The following FANK1 variants were observed in gnomAD, a reference collection of about 807,000 sequenced individuals.
FANK1 encodes the protein fibronectin type 3 and ankyrin repeat domains protein 1.
In FANK1, 44 loss-of-function variants were observed where a neutral mutation model predicts 45.3. That is an observed-to-expected ratio of 0.97 (90% CI 0.76 to 1.25). FANK1 has a LOEUF of 1.25. Ranked by LOEUF, FANK1 falls within the 50% of genes most tolerant of loss-of-function variation. The pLI is 0.00. For synonymous variants in FANK1, 149 were observed against 152.5 expected (o/e 0.98, Z 0.17); for missense variants, 391 against 424.4 (o/e 0.92, Z 0.69).
At chr10:125,996,446 T>C in intron 4 of FANK1, 104 bp from the exon 5 acceptor site, 1 of 979,408 alleles carries the variant, frequency 1.0e-6, no homozygotes, top group South Asian at 1.7e-5. Flanking sequence ...GAATTTTCAG[T>C]AAAATGAGTC....
chr10:125,962,802 T>C (rs1281191913), intron 1 of FANK1, among the ~76,000 whole-genome samples: 2 of 152,068 alleles, frequency 1.3e-5, no homozygotes, highest in African/African-American at 2.4e-5. Context: ...TTCGTTTCCT[T>C]GCATATTGGT....
intron 1 of FANK1, among the ~76,000 whole-genome samples, chr10:125,949,942 A>T (rs1002197539): frequency 7.5e-4 from 102 of 136,786 alleles, no homozygotes; most frequent in Non-Finnish European, 1.5e-3. Context: ...AACAGAACAG[A>T]GCCCTCAGAA....
intron 3 of FANK1, 100 bp from the exon 4 acceptor site, chr10:125,995,317 T>C: frequency 9.5e-7 from 1 of 1,053,934 alleles, no homozygotes; most frequent in Non-Finnish European, 1.5e-6. Context: ...GCCAAGCGCC[T>C]TCCTGAAGAT....
At chr10:125,993,684 G>A (rs1208553633) in intron 3 of FANK1, among the ~76,000 whole-genome samples, 1 of 152,194 alleles carries the variant, frequency 6.6e-6, no homozygotes, top group African/African-American at 2.4e-5. Context: ...CCCTTGGAAG[G>A]CCAGGGACAG....
chr10:125,936,482 C>T, intron 1 of FANK1, among the ~76,000 whole-genome samples: 1 of 150,116 alleles, frequency 6.7e-6, no homozygotes. Flanking sequence ...AGTACCTCCT[C>T]TTCTTCCTTT....
chr10:126,009,405 A>AAAG lies in FANK1; in HGVS notation c.1006_1008dup (p.Lys336dup), dbSNP rs1190614361. ...TCTCCTTATTAGAAGAAAGGAAAAA[A>AAAG]AAGCAGAGGCCAAAGAAGTCTTGTG... On this transcript the variant is annotated inframe_insertion, in exon 11 of 11. Coordinates refer to ENST00000368693, the MANE Select transcript of FANK1 (RefSeq NM_145235.5). The AAAG allele has an allele frequency of 3.8e-5, 61 of 1,614,040 alleles. No individual in the cohort carries two copies. Among genetic ancestry groups the AAAG allele is most frequent in the Non-Finnish European group, 5.1e-5 (60 of 1,180,032 alleles).
intron 1 of FANK1, among the ~76,000 whole-genome samples, chr10:125,975,435 A>G (rs923433614): frequency 1.3e-5 from 2 of 152,220 alleles, no homozygotes; most frequent in African/African-American, 4.8e-5. Context: ...GCTTTCCACA[A>G]TCGTTGAACA....
At chr10:125,969,463 A>T (rs940077493) in intron 1 of FANK1, among the ~76,000 whole-genome samples, 2 of 152,176 alleles carry the variant, frequency 1.3e-5, no homozygotes, top group African/African-American at 4.8e-5. Flanking sequence ...ATGAATGTGT[A>T]TCTGTGGGTG....
intron 2 of FANK1, among the ~76,000 whole-genome samples, chr10:125,988,011 G>T (rs1951680249): frequency 2.6e-5 from 4 of 152,198 alleles, no homozygotes. Flanking sequence ...TGACCATGGG[G>T]CATGATGTTA....
rs140651299 is a variant in FANK1, at chr10:125,943,748, A to G, written c.14-36413A>G. Among the ~76,000 whole-genome samples, 463 of 152,330 alleles carry G rather than the reference A, an allele frequency of 3.0e-3. 3 individuals carry two copies. The highest frequency in any genetic ancestry group is 0.011 in the African/African-American group (441 of 41,578). On this transcript the variant is annotated intron_variant, in intron 1 of 10. Coordinates refer to ENST00000368693, the MANE Select transcript of FANK1 (RefSeq NM_145235.5). ...TTTATAATGGGCAAACCACCTCACT[A>G]TCCTTAGACCCTTGAATACTAAGTT...
chr10:125,989,687 A>T (rs1238551282), intron 3 of FANK1, among the ~76,000 whole-genome samples: 1 of 152,194 alleles, frequency 6.6e-6, no homozygotes, highest in Non-Finnish European at 1.5e-5. Flanking sequence ...GGATGCAGGT[A>T]AAAAAAGAGG....
chr10:125,919,380 ATTT>A (rs1239164339), intron 1 of FANK1, among the ~76,000 whole-genome samples: 1 of 151,268 alleles, frequency 6.6e-6, no homozygotes, highest in Non-Finnish European at 1.5e-5. Flanking sequence ...TGATTTTTGT[ATTT>A]TTAGTAGAGT....
chr10:125,915,227 G>A (rs187754693), intron 1 of FANK1, among the ~76,000 whole-genome samples: 1 of 151,732 alleles, frequency 6.6e-6, no homozygotes, highest in African/African-American at 2.4e-5. Context: ...TTTGTTAAAG[G>A]GTAACTTTTC....
intron 2 of FANK1, among the ~76,000 whole-genome samples, chr10:125,981,418 G>A (rs1388224983): frequency 1.3e-5 from 2 of 150,506 alleles, no homozygotes; most frequent in African/African-American, 2.5e-5. Context: ...GATCACTTGA[G>A]CCTGGGAGGT....
intron 3 of FANK1, among the ~76,000 whole-genome samples, chr10:125,991,269 G>GTGTGTGTGTGTGTGTGTA (rs1355176146): frequency 6.6e-6 from 1 of 151,634 alleles, no homozygotes; most frequent in Non-Finnish European, 1.5e-5. Flanking sequence ...GTGTGTGTGT[G>GTGTGTGTGTGTGTGTGTA]TGTGTGTGTT....
intron 4 of FANK1, 39 bp from the exon 5 acceptor site, chr10:125,996,511 T>C (rs1461691534): frequency 6.2e-7 from 1 of 1,602,056 alleles, no homozygotes; most frequent in South Asian, 1.1e-5. Flanking sequence ...GCAGTAGCTG[T>C]ACTGAGCATG....
chr10:125,979,943 A>G, intron 1 of FANK1: 1 of 632,368 alleles, frequency 1.6e-6, no homozygotes, highest in Non-Finnish European at 2.9e-6. Flanking sequence ...GGCATGGTAC[A>G]ATATATGCTT....
chr10:125,961,244 C>CT (rs1949908063), intron 1 of FANK1, among the ~76,000 whole-genome samples: 1 of 152,186 alleles, frequency 6.6e-6, no homozygotes, highest in South Asian at 2.1e-4. Flanking sequence ...GTAGCAGGGA[C>CT]TACAGGTACG....
intron 1 of FANK1, among the ~76,000 whole-genome samples, chr10:125,942,506 C>T (rs1008772705): frequency 6.6e-6 from 1 of 151,866 alleles, no homozygotes; most frequent in Non-Finnish European, 1.5e-5. Context: ...AAATCTTAAA[C>T]GATTTGAGGA....
Sources: gnomAD v4.1 joint callset for allele counts (sites outside exome capture counted in the v4.1 genomes callset) on GRCh38, gnomAD v4.1.1 for gene constraint, MANE v1.5 for transcripts, NCBI Gene and HGNC (gene_info 2026-07-23, HGNC 2026-07-21) for gene names.